The following EBF1 variants were observed in gnomAD, a reference collection of about 807,000 sequenced individuals.
The protein encoded by EBF1 is transcription factor COE1.
A neutral mutation model predicts 68.4 loss-of-function variants in EBF1; 10 were observed. That is an observed-to-expected ratio of 0.15 (90% CI 0.09 to 0.25). The LOEUF is 0.25. EBF1 is among the 10% of genes least tolerant of loss of function. EBF1 has a pLI of 1.00. For synonymous variants in EBF1, 298 were observed against 299.8 expected, an observed-to-expected ratio of 0.99 and a Z score of 0.06; for missense variants, 509 against 794.4, an observed-to-expected ratio of 0.64 and a Z score of 4.32.
At position 158,943,054 on chromosome 5, in the gene EBF1, G is replaced by A. The variant is rs914442823; in HGVS notation, c.555-102944C>T. ...GGAAGGAATGAAGGGAGGGAAGTGG[G>A]AGGGAGGGAGGGAGGGAGGGAAAGA... On this transcript the variant is annotated intron_variant, in intron 6 of 15. Coordinates refer to ENST00000313708, the MANE Select transcript of EBF1 (RefSeq NM_024007.5). Among the ~76,000 whole-genome samples the A allele has an allele frequency of 9.2e-5, 12 of 131,108 alleles. No homozygotes were observed. The East Asian group carries it at 1.9e-3, about 21-fold the overall frequency. The allele number at this position is 131,108 out of a possible 152,430, so 86.0% of individuals were successfully genotyped here. A position where few individuals can be genotyped will look rare whatever the true frequency, so the allele number is the denominator to read the frequency against.
intron 7 of EBF1, among the ~76,000 whole-genome samples, chr5:158,831,693 G>T (rs1227654325): frequency 6.6e-6 from 1 of 152,126 alleles, no homozygotes; most frequent in Non-Finnish European, 1.5e-5. Flanking sequence ...GAAGAAATGG[G>T]GTTTCGCCAT....
chr5:158,842,346 G>T (rs1285677548), intron 6 of EBF1, among the ~76,000 whole-genome samples: 1 of 152,156 alleles, frequency 6.6e-6, no homozygotes, highest in African/African-American at 2.4e-5. Context: ...TATATCCATA[G>T]ACACTGAAGA....
At chr5:158,977,262 T>C (rs1327808012) in intron 6 of EBF1, among the ~76,000 whole-genome samples, 2 of 152,308 alleles carry the variant, frequency 1.3e-5, no homozygotes, top group East Asian at 1.9e-4. Context: ...TTGAACCTTA[T>C]TGATTTAAAA....
chr5:158,850,203 T>C (rs1226867061), intron 6 of EBF1, among the ~76,000 whole-genome samples: 1 of 152,226 alleles, frequency 6.6e-6, no homozygotes, highest in Non-Finnish European at 1.5e-5. Flanking sequence ...TAGTTTCTTC[T>C]CCAAAATTCT....
intron 6 of EBF1, among the ~76,000 whole-genome samples, chr5:159,001,234 G>A (rs1391098251): frequency 6.6e-6 from 1 of 152,070 alleles, no homozygotes; most frequent in African/African-American, 2.4e-5. Context: ...TGATGGGGTT[G>A]CTATTGTTAT....
chr5:158,929,623 T>TAGC (rs1344056408), intron 6 of EBF1, among the ~76,000 whole-genome samples: 1 of 152,216 alleles, frequency 6.6e-6, no homozygotes, highest in East Asian at 1.9e-4. Context: ...ATGTTGAAAA[T>TAGC]AGCATCCTGC....
chr5:159,063,207 C>T (rs1776166722), intron 6 of EBF1, among the ~76,000 whole-genome samples: 2 of 152,144 alleles, frequency 1.3e-5, no homozygotes, highest in Non-Finnish European at 2.9e-5. Flanking sequence ...CCCTCCAAAG[C>T]GCTCATCTAC....
intron 6 of EBF1, among the ~76,000 whole-genome samples, chr5:158,860,227 G>A (rs749526982): frequency 6.6e-6 from 1 of 152,194 alleles, no homozygotes; most frequent in Non-Finnish European, 1.5e-5. Flanking sequence ...CTTATTGAAT[G>A]CTCACAACAA....
intron 9 of EBF1, among the ~76,000 whole-genome samples, chr5:158,790,910 T>C (rs2127727141): frequency 6.6e-6 from 1 of 152,294 alleles, no homozygotes; most frequent in African/African-American, 2.4e-5. Context: ...ATCACATCTG[T>C]GTATTGCAAG....
intron 6 of EBF1, among the ~76,000 whole-genome samples, chr5:159,033,076 T>C (rs1769260589): frequency 7.4e-6 from 1 of 135,352 alleles, no homozygotes; most frequent in East Asian, 2.5e-4. Context: ...AAAATGATAA[T>C]CAACAAATCA....
At chr5:159,091,795 C>T (rs1310584233) in intron 4 of EBF1, among the ~76,000 whole-genome samples, 1 of 152,130 alleles carries the variant, frequency 6.6e-6, no homozygotes, top group Admixed American at 6.5e-5. Flanking sequence ...GATGATTGTA[C>T]CTTGGACCCC....
At chr5:158,968,082 A>G (rs1754535114) in intron 6 of EBF1, among the ~76,000 whole-genome samples, 1 of 152,186 alleles carries the variant, frequency 6.6e-6, no homozygotes, top group East Asian at 1.9e-4. Context: ...AACAACTACA[A>G]ATAATTGCAA....
At chr5:158,827,130 G>A (rs1446146382) in intron 7 of EBF1, among the ~76,000 whole-genome samples, 2 of 152,138 alleles carry the variant, frequency 1.3e-5, no homozygotes, top group African/African-American at 2.4e-5. Context: ...ATAAACATTA[G>A]TAGCAGTAAT....
In EBF1 at chr5:158,772,744, T is replaced by C. The variant is rs549470151; in HGVS notation, c.1036+4669A>G. ...GGGAGATGACAAGGATGATAAACAATCCATGGAAAATAGTTACTCCTGGTA... is the reference window on the plus strand; with the variant it reads ...GGGAGATGACAAGGATGATAAACAACCCATGGAAAATAGTTACTCCTGGTA... On this transcript the variant is annotated intron_variant, in intron 10 of 15. Transcript: ENST00000313708. Among the ~76,000 whole-genome samples, 8 of 152,170 alleles carry C rather than the reference T, an allele frequency of 5.3e-5. No individual in the cohort carries two copies. The South Asian group carries it at 1.7e-3, about 32-fold the overall frequency.
At chr5:158,851,540 GGAGAGGGGAGGA>G (rs1792699528) in intron 6 of EBF1, among the ~76,000 whole-genome samples, 1 of 49,816 alleles carries the variant, frequency 2.0e-5, no homozygotes, top group African/African-American at 8.4e-5. Flanking sequence ...GGAGGGGAGG[GGAGAGGGGAGGA>G]GAGAGGGGAG....
intron 15 of EBF1, 38 bp downstream of exon 15, chr5:158,707,941 C>T: frequency 6.5e-7 from 1 of 1,539,768 alleles, no homozygotes; most frequent in Non-Finnish European, 8.8e-7. Context: ...GAAGTCAGGG[C>T]ATTGAATCTG....
chr5:158,955,447 C>G (rs559964118), intron 6 of EBF1, among the ~76,000 whole-genome samples: 20 of 152,172 alleles, frequency 1.3e-4, no homozygotes, highest in Non-Finnish European at 2.2e-4. Context: ...AGCCTGGGAC[C>G]TCCACCTTCT....
chr5:159,049,771 G>A (rs1164657750), intron 6 of EBF1, among the ~76,000 whole-genome samples: 3 of 152,166 alleles, frequency 2.0e-5, no homozygotes, highest in Admixed American at 6.5e-5. Context: ...AGATTTCCCA[G>A]AAGGCAAAAC....
chr5:158,904,687 T>G (rs1804170333), intron 6 of EBF1, among the ~76,000 whole-genome samples: 2 of 152,194 alleles, frequency 1.3e-5, no homozygotes, highest in Admixed American at 6.5e-5. Context: ...AAAGGCCCAC[T>G]GAGTCTACCT....
Sources: allele counts gnomAD v4.1 joint callset (sites outside exome capture counted in the v4.1 genomes callset), GRCh38; gene constraint gnomAD v4.1.1; transcripts MANE v1.5; gene names NCBI Gene and HGNC (gene_info 2026-07-23, HGNC 2026-07-21).